VIPR1: variants seen among roughly 807,000 people sequenced by gnomAD.
The protein encoded by VIPR1 is vasoactive intestinal peptide receptor 1, also known as vasoactive intestinal polypeptide receptor 1.
VIPR1 carries 59 observed loss-of-function variants against 58.8 expected under a neutral mutation model. The observed-to-expected ratio is 1.00, with a 90% confidence interval of 0.81 to 1.25. The LOEUF is 1.25. Ranked by LOEUF, VIPR1 falls within the 50% of genes most tolerant of loss-of-function variation. The pLI is 0.00. For missense variants in VIPR1, 626 were observed against 602.7 expected, an observed-to-expected ratio of 1.04 and a Z score of -0.40; for synonymous variants, 251 against 242.1, an observed-to-expected ratio of 1.04 and a Z score of -0.34.
intron 1 of VIPR1, 34 bp from the exon 2 acceptor site, chr3:42,513,715 G>A (rs571115950): frequency 3.4e-5 from 52 of 1,548,742 alleles, no homozygotes; most frequent in East Asian, 9.8e-5. Context: ...GTCTATGGAC[G>A]AGGCTGATGG....
intron 12 of VIPR1, among the ~76,000 whole-genome samples, chr3:42,535,694 G>A (rs145506613): frequency 3.0e-4 from 45 of 152,324 alleles, no homozygotes; most frequent in African/African-American, 1.1e-3. Flanking sequence ...TTAAGTGGCT[G>A]TGTGCAGTGA....
At chr3:42,504,894 A>C (rs9867564) in intron 1 of VIPR1, among the ~76,000 whole-genome samples, 11,505 of 144,732 alleles carry the variant, frequency 0.079, 1,311 homozygotes, top group African/African-American at 0.26. Context: ...AATCTCTGAA[A>C]AGGGAGGCAA....
intron 1 of VIPR1, among the ~76,000 whole-genome samples, chr3:42,510,435 G>A (rs2125640420): frequency 6.6e-6 from 1 of 152,314 alleles, no homozygotes; most frequent in Middle Eastern, 3.4e-3. Flanking sequence ...TAATGAGGAT[G>A]TTTAGAATAG....
intron 1 of VIPR1, among the ~76,000 whole-genome samples, chr3:42,496,066 G>A (rs1001882231): frequency 3.2e-4 from 49 of 152,008 alleles, no homozygotes; most frequent in African/African-American, 1.0e-3. Context: ...GCGAAATCCC[G>A]TCTCTACTAA....
chr3:42,527,442 A>G lies in VIPR1; in HGVS notation c.449A>G (p.Tyr150Cys), dbSNP rs1275743279. The G allele has an allele frequency of 1.2e-6, 2 of 1,613,792 alleles. No homozygotes were observed. The highest frequency in any genetic ancestry group is 2.2e-5 in the East Asian group (1 of 44,870). Reference sequence around the variant, plus strand: ...GTGAAGACCGGCTACACCATTGGCTACGGCCTGTCCCTCGCCACCCTTCTG... The same window carrying G: ...GTGAAGACCGGCTACACCATTGGCTGCGGCCTGTCCCTCGCCACCCTTCTG... ...GSVKTGYTIG[Y>C]GLSLATLLVA... The change falls in exon 5 of 13, where the codon TAC (tyrosine) becomes TGC (cysteine). Residue 150 changes from tyrosine (Y) to cysteine (C), a missense_variant. Physicochemically the swap from Tyr to Cys is radical, Grantham distance 194. Transcript: ENST00000325123.
rs200788566 is a variant in VIPR1, at chr3:42,527,521, C to A, written c.503+25C>A. On this transcript the variant is annotated intron_variant, in intron 5 of 12. Transcript: ENST00000325123. ...GGTGAGGCCCAGCCCAAGTCACAGG[C>A]CTCAAAGCAAACCTGGCAAGTGTCC... 5.0e-5 allele frequency: 80 copies of A among 1,608,634 alleles called. No individual in the cohort carries two copies. In the East Asian group the frequency reaches 9.6e-4, roughly 19 times the overall value.
At position 42,535,089 on chromosome 3, in the gene VIPR1, C is replaced by T. The variant is rs927821279; in HGVS notation, c.1125C>T (p.Val375=). 3.7e-6 allele frequency: 6 copies of T among 1,614,098 alleles called. No homozygotes were observed. Among genetic ancestry groups the T allele is most frequent in the Admixed American group, 1.7e-5 (1 of 60,008 alleles). Residue 375 remains valine, a synonymous_variant, in exon 11 of 13, where the codon GTC becomes GTT. Coordinates refer to ENST00000325123, the MANE Select transcript of VIPR1 (RefSeq NM_004624.4). ...KPEVKMVFEL[V]VGSFQGFVVA... is the part of the protein sequence containing the mutation. ...AAGTGAAGATGGTCTTTGAGCTCGTCGTGGGGTCTTTCCAGGTATGGGCTG... is the reference window on the plus strand; with the variant it reads ...AAGTGAAGATGGTCTTTGAGCTCGTTGTGGGGTCTTTCCAGGTATGGGCTG...
chr3:42,534,635 A>ACCAGGGTCCGGAAACAT, intron 10 of VIPR1: 1 of 181,078 alleles, frequency 5.5e-6, no homozygotes, highest in Non-Finnish European at 1.2e-5. Flanking sequence ...AGAACTCCCA[A>ACCAGGGTCCGGAAACAT]TAGTGGATTT....
At chr3:42,511,569 CAA>C (rs1454178940) in intron 1 of VIPR1, 1 of 152,212 alleles carries the variant, frequency 6.6e-6, no homozygotes, top group Non-Finnish European at 1.5e-5. Flanking sequence ...AAGGCAGAAA[CAA>C]GAGATATCTG....
chr3:42,499,624 AG>A (rs1699828641), upstream of VIPR1, among the ~76,000 whole-genome samples: 1 of 152,182 alleles, frequency 6.6e-6, no homozygotes, highest in African/African-American at 2.4e-5. Context: ...GGGAACAGAG[AG>A]TAGGAGGCGA....
chr3:42,529,118 TTTCTAAGA>T (rs1270272463), intron 6 of VIPR1, among the ~76,000 whole-genome samples: 2 of 152,104 alleles, frequency 1.3e-5, no homozygotes, highest in Non-Finnish European at 2.9e-5. Context: ...CTGCGAAGCT[TTTCTAAGA>T]CTAGGAAGAA....
chr3:42,523,604 T>TACACACACAC lies in VIPR1; in HGVS notation c.293-2256_293-2247dup, dbSNP rs60726747. 5.9e-3 allele frequency among the ~76,000 whole-genome samples: 761 copies of TACACACACAC among 129,898 alleles called. 10 individuals are homozygous for TACACACACAC. Among genetic ancestry groups the TACACACACAC allele is most frequent in the African/African-American group, 0.017 (601 of 35,852 alleles). The allele number at this position is 129,898 out of a possible 152,430, so 85.2% of individuals were successfully genotyped here. A position where few individuals can be genotyped will look rare whatever the true frequency, so the allele number is the denominator to read the frequency against. On this transcript the variant is annotated intron_variant, in intron 3 of 12. Coordinates refer to ENST00000325123, the MANE Select transcript of VIPR1 (RefSeq NM_004624.4). ...ATGTTTACCCTAACACCTCCGCCAC[T>TACACACACAC]ACACACACACACACACACACACACA...
rs1000354431 is a variant in VIPR1 at position 42,489,904 on chromosome 3, C to T, written c.-245+226C>T. 4.6e-5 allele frequency among the ~76,000 whole-genome samples: 7 copies of T among 152,302 alleles called. 1 individual carries two copies. The highest frequency in any genetic ancestry group is 1.9e-4 in the East Asian group (1 of 5,184). On this transcript the variant is annotated intron_variant, in intron 1 of 13. Coordinates refer to the VIPR1 transcript ENST00000433647. Reference sequence around the variant, plus strand: ...GCTTTCTACCTTCTCTCCACTCTCCCACCATAGGTTACACACACACACTCA... The same window carrying T: ...GCTTTCTACCTTCTCTCCACTCTCCTACCATAGGTTACACACACACACTCA...
intron 1 of VIPR1, among the ~76,000 whole-genome samples, chr3:42,492,805 A>G (rs1042523328): frequency 1.3e-5 from 2 of 152,140 alleles, no homozygotes; most frequent in South Asian, 2.1e-4. Context: ...CCCACCTCCC[A>G]CCTCAGGAAG....
In VIPR1 at chr3:42,523,084, A is replaced by ACCCC. The variant is rs145372341; in HGVS notation, c.293-2802_293-2799dup. Among the ~76,000 whole-genome samples, 115 of 145,146 alleles carry ACCCC rather than the reference A, an allele frequency of 7.9e-4. 4 individuals carry two copies. The highest frequency in any genetic ancestry group is 2.8e-3 in the African/African-American group (102 of 37,060). On this transcript the variant is annotated intron_variant, in intron 3 of 12. Transcript: ENST00000325123. ...GACCCCTTCACTGTTGCATGCCCTG[A>ACCCC]CCCCGCCCCCAGTGGAGTGTCCTTC...
chr3:42,490,970 G>A (rs1311885699), intron 1 of VIPR1, among the ~76,000 whole-genome samples: 1 of 152,170 alleles, frequency 6.6e-6, no homozygotes, highest in African/African-American at 2.4e-5. Flanking sequence ...CCTGGTAAGC[G>A]CTCGGAACTA....
chr3:42,506,873 C>T (rs1181580849), intron 1 of VIPR1: 1 of 152,104 alleles, frequency 6.6e-6, no homozygotes, highest in African/African-American at 2.4e-5. Flanking sequence ...TTAATCTCTC[C>T]ACCACGTGTA....
intron 10 of VIPR1, 85 bp downstream of exon 10, chr3:42,532,418 C>T (rs1021109137): frequency 2.9e-6 from 4 of 1,374,882 alleles, no homozygotes; most frequent in Non-Finnish European, 4.1e-6. Context: ...GTCCTCCCAC[C>T]CCAAACATCC....
At chr3:42,517,157 G>A (rs1700669914) in intron 2 of VIPR1, among the ~76,000 whole-genome samples, 1 of 152,216 alleles carries the variant, frequency 6.6e-6, no homozygotes, top group South Asian at 2.1e-4. Flanking sequence ...TTCAGCTATA[G>A]ATGTGGCCTG....
Sources: allele counts gnomAD v4.1 joint callset (sites outside exome capture counted in the v4.1 genomes callset), GRCh38; gene constraint gnomAD v4.1.1; transcripts MANE v1.5; gene names NCBI Gene and HGNC (gene_info 2026-07-23, HGNC 2026-07-21).